TENM3: variants seen among roughly 807,000 people sequenced by gnomAD.
TENM3 encodes the protein teneurin transmembrane protein 3.
A neutral mutation model predicts 255.1 loss-of-function variants in TENM3; 63 were observed. The observed-to-expected ratio is 0.25, with a 90% CI of 0.20 to 0.30. The LOEUF is 0.30. TENM3 is among the 10% of genes least tolerant of loss of function. The probability of loss-of-function intolerance (pLI) is 1.00; values close to 1 mark genes in which losing one functional copy is unlikely to be tolerated. For missense variants in TENM3, 2,929 were observed against 3,461.1 expected (o/e 0.85, Z 3.86); for synonymous variants, 1,306 against 1,322.3 (o/e 0.99, Z 0.27).
chr4:182,187,156 T>G (rs558537467), intron 1 of TENM3, among the ~76,000 whole-genome samples: 41 of 152,158 alleles, frequency 2.7e-4, no homozygotes, highest in Non-Finnish European at 4.6e-4. Flanking sequence ...GAAAACCTCA[T>G]TAATTCTGGG....
At chr4:182,172,316 C>G (rs1005382017) in intron 1 of TENM3, among the ~76,000 whole-genome samples, 1 of 152,044 alleles carries the variant, frequency 6.6e-6, no homozygotes, top group Non-Finnish European at 1.5e-5. Context: ...AGTTGTCAGT[C>G]TTCAAAGTGA....
At chr4:182,122,142 C>T in the TENM3 span, among the ~76,000 whole-genome samples, 3 of 152,224 alleles carry the variant, frequency 2.0e-5, no homozygotes, top group Admixed American at 1.3e-4. Flanking sequence ...CTTCAGCCTC[C>T]ACTTCTATTT....
intron 1 of TENM3, chr4:182,144,909 C>T (rs2149550023): frequency 1.3e-5 from 2 of 151,148 alleles, no homozygotes; most frequent in South Asian, 4.2e-4. Flanking sequence ...GGATTCTCTC[C>T]ACGGTCCGGC....
At chr4:181,808,716 T>G in the TENM3 span, among the ~76,000 whole-genome samples, 46 of 152,308 alleles carry the variant, frequency 3.0e-4, no homozygotes. Flanking sequence ...GAATGTATAT[T>G]GGTATGAAAT....
In TENM3 at chr4:182,540,844, C is replaced by T. The variant is rs547824491; in HGVS notation, c.512-60080C>T. On this transcript the variant is annotated intron_variant, in intron 3 of 27. Coordinates refer to ENST00000511685, the MANE Select transcript of TENM3 (RefSeq NM_001080477.4). ...CTGCATATGCTAACAGAGCTCCTAA[C>T]GAAGGAACTAACCTAGTTAGGAGGA... Among the ~76,000 whole-genome samples the T allele has an allele frequency of 5.3e-5, 8 of 152,234 alleles. No homozygotes were observed. The South Asian group carries it at 1.2e-3, about 24-fold the overall frequency.
At chr4:182,112,765 G>A in the TENM3 span, among the ~76,000 whole-genome samples, 168 of 152,178 alleles carry the variant, frequency 1.1e-3, no homozygotes, top group African/African-American at 3.6e-3. Flanking sequence ...TTGCCATCCC[G>A]GAATCTCCAC....
At chr4:181,620,169 G>A in the TENM3 span, among the ~76,000 whole-genome samples, 1 of 152,040 alleles carries the variant, frequency 6.6e-6, no homozygotes, top group Non-Finnish European at 1.5e-5. Context: ...GCTGAGGTGG[G>A]AGGATCACTT....
At chr4:181,559,729 CAT>C in the TENM3 span, among the ~76,000 whole-genome samples, 1 of 152,194 alleles carries the variant, frequency 6.6e-6, no homozygotes, top group African/African-American at 2.4e-5. Flanking sequence ...CATTCTGCTC[CAT>C]GCCCTGTGCC....
chr4:181,889,143 C>T, the TENM3 span, among the ~76,000 whole-genome samples: 1 of 152,072 alleles, frequency 6.6e-6, no homozygotes, highest in East Asian at 1.9e-4. Flanking sequence ...CACAATGAAG[C>T]GTAATGCCCA....
the TENM3 span, among the ~76,000 whole-genome samples, chr4:181,602,881 C>G: frequency 2.0e-5 from 3 of 152,282 alleles, no homozygotes; most frequent in East Asian, 1.9e-4. Context: ...CTAACAGCAT[C>G]TTCTGCATAC....
the TENM3 span, among the ~76,000 whole-genome samples, chr4:182,130,755 G>A: frequency 1.3e-5 from 2 of 151,620 alleles, no homozygotes; most frequent in Non-Finnish European, 2.9e-5. Flanking sequence ...AAAGCCGAAC[G>A]ATTTTAGCAT....
At chr4:182,133,935 G>A in the TENM3 span, among the ~76,000 whole-genome samples, 1 of 152,118 alleles carries the variant, frequency 6.6e-6, no homozygotes, top group African/African-American at 2.4e-5. Flanking sequence ...TGTTTAACAT[G>A]CTAATTTATT....
Position 182,617,333 on chromosome 4 carries a change from GAACTCTAGGCA to G in TENM3, c.750-11314_750-11304del, listed in dbSNP as rs547597041. 2.0e-4 allele frequency among the ~76,000 whole-genome samples: 31 copies of G among 152,216 alleles called. No individual in the cohort carries two copies. The South Asian group carries it at 6.4e-3, about 32-fold the overall frequency. On this transcript the variant is annotated intron_variant, in intron 4 of 27. Coordinates refer to ENST00000511685, the MANE Select transcript of TENM3 (RefSeq NM_001080477.4). The stretch of plus-strand genomic sequence containing the variant: ...TTTAAAAATCATCTTATCTTAAAAT[GAACTCTAGGCA>G]AACCGTCCATTGTCTTGATATCATC...
the TENM3 span, among the ~76,000 whole-genome samples, chr4:181,972,022 GT>G: frequency 0.54 from 80,916 of 148,850 alleles, 22,275 homozygotes; most frequent in African/African-American, 0.64. Context: ...AACTGCATCA[GT>G]TTTTTTTTTT....
chr4:181,831,756 T>C, the TENM3 span, among the ~76,000 whole-genome samples: 2 of 152,140 alleles, frequency 1.3e-5, no homozygotes, highest in African/African-American at 4.8e-5. Context: ...CAAGCAGTAT[T>C]GCTTGTGTTG....
chr4:182,177,043 G>A (rs562211045), intron 1 of TENM3, among the ~76,000 whole-genome samples: 39 of 151,868 alleles, frequency 2.6e-4, no homozygotes, highest in Non-Finnish European at 5.2e-4. Flanking sequence ...AGATGATAGT[G>A]GAAGCTACTT....
the TENM3 span, among the ~76,000 whole-genome samples, chr4:181,639,772 G>T: frequency 3.3e-5 from 5 of 152,036 alleles, no homozygotes; most frequent in Non-Finnish European, 5.9e-5. Context: ...ACCACCCTCG[G>T]AGTGGTGCTC....
chr4:182,374,622 C>A (rs1364988072), intron 3 of TENM3, among the ~76,000 whole-genome samples: 1 of 152,178 alleles, frequency 6.6e-6, no homozygotes, highest in Non-Finnish European at 1.5e-5. Context: ...TACATGATAT[C>A]TTTCCATTGC....
the TENM3 span, among the ~76,000 whole-genome samples, chr4:181,756,171 G>A: frequency 1.3e-5 from 2 of 152,130 alleles, no homozygotes; most frequent in African/African-American, 4.8e-5. Flanking sequence ...AGTTGCTAAT[G>A]TCTTTTCCCA....
Sources: allele counts gnomAD v4.1 joint callset (sites outside exome capture counted in the v4.1 genomes callset), GRCh38; gene constraint gnomAD v4.1.1; transcripts MANE v1.5; gene names NCBI Gene and HGNC (gene_info 2026-07-23, HGNC 2026-07-21).